The following CNTNAP2 variants were observed in gnomAD, a reference collection of about 807,000 sequenced individuals.
CNTNAP2 encodes contactin associated protein 2, also known as contactin-associated protein-like 2.
Under a neutral mutation model 155.2 loss-of-function variants are expected in CNTNAP2, and 98 were observed. The ratio of observed to expected loss-of-function variants is 0.63; its 90% CI spans 0.54 to 0.75. The LOEUF is 0.75. Among genes scored for constraint, CNTNAP2 ranks in the 30% least tolerant of loss-of-function variants. CNTNAP2 has a pLI of 0.00. For missense variants in CNTNAP2, 1,727 were observed against 1,688.1 expected (o/e 1.02, Z -0.40); for synonymous variants, 651 against 631.2 (o/e 1.03, Z -0.47).
chr7:147,497,736 T>C (rs1200488064), intron 11 of CNTNAP2, among the ~76,000 whole-genome samples: 1 of 152,122 alleles, frequency 6.6e-6, no homozygotes, highest in Non-Finnish European at 1.5e-5. Flanking sequence ...AATGAGCTCC[T>C]CTAGAGTTTG....
intron 11 of CNTNAP2, among the ~76,000 whole-genome samples, chr7:147,507,550 C>CTT (rs3052511): frequency 0.012 from 983 of 81,994 alleles, 8 homozygotes; most frequent in African/African-American, 0.017. Flanking sequence ...CTCTTTCTTT[C>CTT]TTTTTTTTTT....
intron 1 of CNTNAP2, among the ~76,000 whole-genome samples, chr7:146,485,017 G>A (rs1263622342): frequency 1.3e-5 from 2 of 152,036 alleles, no homozygotes; most frequent in Admixed American, 6.5e-5. Context: ...TGTTATGTAC[G>A]AAAAAGAGCA....
intron 21 of CNTNAP2, among the ~76,000 whole-genome samples, chr7:148,307,759 G>A (rs1229352882): frequency 3.3e-5 from 5 of 152,064 alleles, no homozygotes; most frequent in Admixed American, 1.3e-4. Flanking sequence ...CCTGAGTTCC[G>A]GAGTTTGAGA....
intron 1 of CNTNAP2, among the ~76,000 whole-genome samples, chr7:146,599,866 AG>A (rs1216018292): frequency 3.9e-5 from 6 of 152,098 alleles, no homozygotes; most frequent in Admixed American, 6.6e-5. Context: ...GAAATACTTA[AG>A]AAATTAATTA....
chr7:146,341,250 T>A (rs529746289), intron 1 of CNTNAP2, among the ~76,000 whole-genome samples: 14 of 152,308 alleles, frequency 9.2e-5, no homozygotes, highest in African/African-American at 3.4e-4. Context: ...ATTTGAATCA[T>A]ATTCAGAATG....
At chr7:147,946,820 G>C (rs936873006) in intron 14 of CNTNAP2, among the ~76,000 whole-genome samples, 1 of 152,132 alleles carries the variant, frequency 6.6e-6, no homozygotes, top group Non-Finnish European at 1.5e-5. Flanking sequence ...CTAAAGGTTA[G>C]CTGAAAATGA....
intron 21 of CNTNAP2, among the ~76,000 whole-genome samples, chr7:148,295,493 C>G (rs1164628441): frequency 2.0e-5 from 3 of 148,082 alleles, no homozygotes; most frequent in Admixed American, 2.0e-4. Flanking sequence ...ATATTTTAAT[C>G]AATTTTTTTT....
chr7:146,839,886 T>C lies in CNTNAP2; in HGVS notation c.384T>C (p.His128=), dbSNP rs1473042498. ...SDTGRNWKPY[H]QDGNIWAFPG... The stretch of plus-strand genomic sequence containing the variant: ...CAGGGAGAAACTGGAAACCCTATCA[T>C]CAAGATGGGAATATCTGGGTAAGTC... The change falls in exon 3 of 24, where the codon CAT becomes CAC. Residue 128 remains histidine (H), a synonymous_variant. Transcript: ENST00000361727. 6.2e-7 allele frequency: 1 copy of C among 1,614,062 alleles called. No homozygotes were observed. Among genetic ancestry groups the C allele is most frequent in the Non-Finnish European group, 8.5e-7 (1 of 1,180,016 alleles).
chr7:148,023,270 A>G (rs959507329), intron 15 of CNTNAP2, among the ~76,000 whole-genome samples: 1 of 152,212 alleles, frequency 6.6e-6, no homozygotes, highest in African/African-American at 2.4e-5. Context: ...AACTGTGTTC[A>G]GTAGAGAGAG....
intron 9 of CNTNAP2, among the ~76,000 whole-genome samples, chr7:147,357,483 T>G (rs569476460): frequency 6.6e-6 from 1 of 152,118 alleles, no homozygotes; most frequent in African/African-American, 2.4e-5. Flanking sequence ...CTGTTGATCC[T>G]ACATGCAGCA....
At chr7:147,014,653 C>T (rs1230420994) in intron 3 of CNTNAP2, among the ~76,000 whole-genome samples, 2 of 152,166 alleles carry the variant, frequency 1.3e-5, no homozygotes, top group Non-Finnish European at 2.9e-5. Context: ...CCCAACAAAA[C>T]TGCCAACATG....
intron 8 of CNTNAP2, among the ~76,000 whole-genome samples, chr7:147,204,712 A>G (rs1241677788): frequency 6.6e-6 from 1 of 152,154 alleles, no homozygotes; most frequent in Non-Finnish European, 1.5e-5. Context: ...CAAATGTACC[A>G]CGCTAATGTA....
intron 4 of CNTNAP2, among the ~76,000 whole-genome samples, chr7:147,083,587 TAC>T (rs199678439): frequency 5.0e-4 from 72 of 144,428 alleles, no homozygotes; most frequent in East Asian, 9.9e-4. Context: ...TATATATATA[TAC>T]ACACACACGT....
intron 1 of CNTNAP2, among the ~76,000 whole-genome samples, chr7:146,578,864 T>A (rs1798565763): frequency 1.3e-5 from 2 of 152,232 alleles, no homozygotes; most frequent in South Asian, 4.1e-4. Context: ...TTTTTTTAAA[T>A]CCCTGCTCCA....
intron 1 of CNTNAP2, among the ~76,000 whole-genome samples, chr7:146,322,419 G>A (rs57748468): frequency 0.12 from 18,543 of 152,034 alleles, 3,386 homozygotes; most frequent in African/African-American, 0.4. Flanking sequence ...ATTTTTACAA[G>A]CATAATGTTT....
intron 15 of CNTNAP2, among the ~76,000 whole-genome samples, chr7:148,072,347 A>G (rs1008192819): frequency 6.6e-6 from 1 of 152,286 alleles, no homozygotes; most frequent in Admixed American, 6.5e-5. Context: ...TTTTTGAGCC[A>G]TGTGGTGTCG....
chr7:148,348,526 C>T (rs1798364839), intron 21 of CNTNAP2, among the ~76,000 whole-genome samples: 1 of 152,150 alleles, frequency 6.6e-6, no homozygotes, highest in Admixed American at 6.5e-5. Flanking sequence ...GCTCATCGCC[C>T]TATGAGAGAG....
chr7:146,849,775 T>C (rs1349560643), intron 3 of CNTNAP2, among the ~76,000 whole-genome samples: 1 of 152,204 alleles, frequency 6.6e-6, no homozygotes, highest in East Asian at 1.9e-4. Flanking sequence ...ATGCTATCAT[T>C]AATGTTTCTC....
At chr7:147,378,771 A>AATT (rs1180368449) in intron 9 of CNTNAP2, among the ~76,000 whole-genome samples, 1 of 152,132 alleles carries the variant, frequency 6.6e-6, no homozygotes, top group East Asian at 1.9e-4. Flanking sequence ...GAATGTTCAT[A>AATT]ACTAATGCGT....
Sources: allele counts gnomAD v4.1 joint callset (sites outside exome capture counted in the v4.1 genomes callset), GRCh38; gene constraint gnomAD v4.1.1; transcripts MANE v1.5; gene names NCBI Gene and HGNC (gene_info 2026-07-23, HGNC 2026-07-21).